Variants in LAMA2 observed in about 807,000 individuals in gnomAD.
LAMA2 encodes the protein laminin subunit alpha-2.
In LAMA2, 269 loss-of-function variants were observed where a neutral mutation model predicts 364.8. The observed-to-expected ratio is 0.74, with a 90% CI of 0.67 to 0.82. LAMA2 has a LOEUF of 0.82. Among genes scored for constraint, LAMA2 ranks in the 40% least tolerant of loss-of-function variants. The pLI is 0.00. For synonymous variants in LAMA2, 1,379 were observed against 1,370.6 expected, an observed-to-expected ratio of 1.01 and a Z score of -0.14; for missense variants, 3,807 against 3,873.2, an observed-to-expected ratio of 0.98 and a Z score of 0.45.
At chr6:129,291,204 T>C (rs1160660986) in intron 19 of LAMA2, among the ~76,000 whole-genome samples, 1 of 152,194 alleles carries the variant, frequency 6.6e-6, no homozygotes, top group Non-Finnish European at 1.5e-5. Context: ...GATGTATCTG[T>C]AAAGAACTAA....
At chr6:129,129,785 G>A (rs1040122134) in intron 4 of LAMA2, among the ~76,000 whole-genome samples, 1 of 150,604 alleles carries the variant, frequency 6.6e-6, no homozygotes, top group African/African-American at 2.4e-5. Flanking sequence ...TTAGCCAGGC[G>A]TAGTGGCGGG....
chr6:129,515,434 G>T (rs574588319), intron 64 of LAMA2, among the ~76,000 whole-genome samples: 1 of 152,148 alleles, frequency 6.6e-6, no homozygotes, highest in South Asian at 2.1e-4. Context: ...TAAATTCCAA[G>T]ATATTATGAA....
chr6:128,964,025 T>A (rs1479781117), intron 1 of LAMA2, among the ~76,000 whole-genome samples: 1 of 152,108 alleles, frequency 6.6e-6, no homozygotes, highest in Non-Finnish European at 1.5e-5. Flanking sequence ...TCGCCTTTCA[T>A]GAACAGTGGC....
At chr6:129,491,398 G>C (rs1014468957) in intron 56 of LAMA2, among the ~76,000 whole-genome samples, 1 of 152,178 alleles carries the variant, frequency 6.6e-6, no homozygotes, top group African/African-American at 2.4e-5. Context: ...GTCCTTGCCT[G>C]CCTCTTCTAT....
intron 12 of LAMA2, among the ~76,000 whole-genome samples, chr6:129,233,584 C>T (rs1332048416): frequency 6.6e-6 from 1 of 152,068 alleles, no homozygotes; most frequent in African/African-American, 2.4e-5. Flanking sequence ...TCTTCATCTG[C>T]ATCATCTTCA....
chr6:129,377,170 G>A (rs2114642178), intron 34 of LAMA2, among the ~76,000 whole-genome samples: 1 of 152,092 alleles, frequency 6.6e-6, no homozygotes, highest in African/African-American at 2.4e-5. Context: ...CTATGTAGTA[G>A]ATTGAACTGT....
At chr6:129,474,665 G>A (rs73777430) in intron 52 of LAMA2, among the ~76,000 whole-genome samples, 1 of 151,958 alleles carries the variant, frequency 6.6e-6, no homozygotes, top group East Asian at 1.9e-4. Context: ...CAAACCTAAG[G>A]TTATTCAAAT....
At chr6:128,918,653 C>G (rs1486952819) in intron 1 of LAMA2, among the ~76,000 whole-genome samples, 1 of 152,130 alleles carries the variant, frequency 6.6e-6, no homozygotes, top group Non-Finnish European at 1.5e-5. Flanking sequence ...TCCCTTGTAA[C>G]AAATATAATA....
chr6:129,023,274 G>A (rs1234505592), intron 1 of LAMA2, among the ~76,000 whole-genome samples: 4 of 152,014 alleles, frequency 2.6e-5, no homozygotes, highest in African/African-American at 9.7e-5. Context: ...TTTCTTTGGG[G>A]ACTCTCTTCC....
In LAMA2 at chr6:129,158,046, G is replaced by A. The variant is rs558100650; in HGVS notation, c.1206+3363G>A. The A allele has an allele frequency of 2.3e-4, 377 of 1,612,530 alleles. No individual in the cohort carries two copies. In the African/African-American group the frequency reaches 3.2e-3, roughly 14 times the overall value. On this transcript the variant is annotated intron_variant, in intron 8 of 64. Coordinates refer to ENST00000421865, the MANE Select transcript of LAMA2 (RefSeq NM_000426.4). ...GTTTTTGCTCTTTAGGTCTCGATGA[G>A]CAATTGCGGGCTTTCCTTGGGTGCC...
chr6:129,457,911 G>A (rs763095158), intron 48 of LAMA2, among the ~76,000 whole-genome samples: 34 of 152,054 alleles, frequency 2.2e-4, no homozygotes, highest in Non-Finnish European at 4.4e-4. Context: ...TTTTATAAGG[G>A]CACTAATTTC....
intron 10 of LAMA2, 75 bp from the exon 11 acceptor site, chr6:129,190,130 T>C: frequency 7.1e-7 from 1 of 1,408,516 alleles, no homozygotes; most frequent in Non-Finnish European, 1.0e-6. Flanking sequence ...AGTTAATATT[T>C]TCCTTATACA....
At position 129,507,514 on chromosome 6, in the gene LAMA2, T is replaced by A. The variant is rs1786191161; in HGVS notation, c.8729T>A (p.Val2910Asp). The change falls in exon 62 of 65, where the codon GTC becomes GAC. Residue 2910 changes from valine (V) to aspartate (D), a missense_variant. Val to Asp is a radical substitution (Grantham distance 152, BLOSUM62 -3). Transcript: ENST00000421865. ...GPVTYSIDGC[V>D]RNLHMAEAPA... ...GTGACCTATAGCATTGATGGCTGCG[T>A]CAGGAATCTCCACATGGCAGAGGCC... The A allele has an allele frequency of 6.2e-7, 1 of 1,614,068 alleles. No individual in the cohort carries two copies.
intron 1 of LAMA2, among the ~76,000 whole-genome samples, chr6:129,043,340 A>C (rs79593520): frequency 0.016 from 2,365 of 152,298 alleles, 75 homozygotes; most frequent in African/African-American, 0.054. Flanking sequence ...TATGCATTTA[A>C]AAGAATTTAA....
chr6:128,959,224 A>T (rs1373751319), intron 1 of LAMA2, among the ~76,000 whole-genome samples: 2 of 152,156 alleles, frequency 1.3e-5, no homozygotes, highest in Non-Finnish European at 2.9e-5. Flanking sequence ...GTTTCATCAC[A>T]TTTGGAAATC....
chr6:129,140,105 T>C (rs1264143007), intron 4 of LAMA2, among the ~76,000 whole-genome samples: 1 of 152,104 alleles, frequency 6.6e-6, no homozygotes, highest in Non-Finnish European at 1.5e-5. Flanking sequence ...TGTAGCAACA[T>C]AAATAGACAA....
chr6:129,393,660 A>G (rs1408822929), intron 37 of LAMA2, among the ~76,000 whole-genome samples: 1 of 152,202 alleles, frequency 6.6e-6, no homozygotes, highest in Non-Finnish European at 1.5e-5. Flanking sequence ...ATTATACTAT[A>G]GCATACATAT....
chr6:129,052,648 C>G (rs536802724), intron 2 of LAMA2, among the ~76,000 whole-genome samples: 1 of 152,246 alleles, frequency 6.6e-6, no homozygotes, highest in Non-Finnish European at 1.5e-5. Context: ...ACCCAAACTT[C>G]ATAGACTGCA....
intron 1 of LAMA2, among the ~76,000 whole-genome samples, chr6:128,890,797 C>A (rs1412735018): frequency 6.6e-6 from 1 of 151,800 alleles, no homozygotes; most frequent in Admixed American, 6.6e-5. Flanking sequence ...GTATAATGAA[C>A]CCTTTAAGAA....
Sources: allele counts gnomAD v4.1 joint callset (sites outside exome capture counted in the v4.1 genomes callset), GRCh38; gene constraint gnomAD v4.1.1; transcripts MANE v1.5; gene names NCBI Gene and HGNC (gene_info 2026-07-23, HGNC 2026-07-21).